RGL1: variants seen among roughly 807,000 people sequenced by gnomAD.
The protein encoded by RGL1 is ral guanine nucleotide dissociation stimulator-like 1.
A neutral mutation model predicts 95.2 loss-of-function variants in RGL1; 24 were observed. That is an observed-to-expected ratio of 0.25 (90% CI 0.18 to 0.35). The LOEUF (loss-of-function observed/expected upper bound fraction) is 0.35, where lower values mean the gene tolerates loss of function less well. RGL1 is among the 10% of genes least tolerant of loss of function. RGL1 has a pLI of 1.00. For synonymous variants in RGL1, 329 were observed against 344.9 expected, an observed-to-expected ratio of 0.95 and a Z score of 0.51; for missense variants, 715 against 936.3, an observed-to-expected ratio of 0.76 and a Z score of 3.08.
At chr1:183,754,370 T>A (rs1274804795) in intron 2 of RGL1, 1 of 152,250 alleles carries the variant, frequency 6.6e-6, no homozygotes, top group East Asian at 1.9e-4. Context: ...AGTCCTATGT[T>A]GGTTAGAGTA....
chr1:183,802,893 C>A (rs150095417), upstream of RGL1, among the ~76,000 whole-genome samples: 2 of 152,164 alleles, frequency 1.3e-5, no homozygotes, highest in Non-Finnish European at 2.9e-5. Flanking sequence ...TAAATAAACA[C>A]CAACTGAGTT....
chr1:183,742,688 G>A (rs12401632), intron 2 of RGL1, among the ~76,000 whole-genome samples: 18,288 of 151,928 alleles, frequency 0.12, 1,213 homozygotes, highest in Admixed American at 0.17. Flanking sequence ...ATAAAATGCT[G>A]ATATTTGTGT....
At chr1:183,842,695 T>A (rs897821435) in intron 2 of RGL1, among the ~76,000 whole-genome samples, 20 of 152,216 alleles carry the variant, frequency 1.3e-4, no homozygotes, top group African/African-American at 4.8e-4. Context: ...TTGAGCTGTT[T>A]CCTGTTAGCG....
intron 3 of RGL1, among the ~76,000 whole-genome samples, chr1:183,864,937 CT>C (rs941200158): frequency 6.6e-6 from 1 of 152,158 alleles, no homozygotes; most frequent in Non-Finnish European, 1.5e-5. Flanking sequence ...GGTACTGGGC[CT>C]TTAATCCCAT....
At chr1:183,740,574 C>T (rs1034111297) in intron 1 of RGL1, among the ~76,000 whole-genome samples, 5 of 152,170 alleles carry the variant, frequency 3.3e-5, no homozygotes, top group Non-Finnish European at 7.3e-5. Context: ...GTTTTGCAGA[C>T]GTGATTCCTT....
intron 1 of RGL1, chr1:183,647,530 G>A: frequency 7.9e-7 from 1 of 1,267,084 alleles, no homozygotes; most frequent in Non-Finnish European, 1.1e-6. Context: ...CTTTATAATA[G>A]TTGATATGGT....
chr1:183,822,841 A>G (rs536712537), intron 2 of RGL1, among the ~76,000 whole-genome samples: 9 of 152,106 alleles, frequency 5.9e-5, no homozygotes, highest in Admixed American at 4.6e-4. Flanking sequence ...TTCTGGGGTG[A>G]TTTCCTATGT....
At chr1:183,775,017 T>A (rs1659517943) in intron 2 of RGL1, among the ~76,000 whole-genome samples, 1 of 152,196 alleles carries the variant, frequency 6.6e-6, no homozygotes, top group Non-Finnish European at 1.5e-5. Flanking sequence ...TTACCCCTCC[T>A]GACTTTGTTT....
chr1:183,713,309 G>C (rs1655403684), intron 1 of RGL1, among the ~76,000 whole-genome samples: 1 of 148,628 alleles, frequency 6.7e-6, no homozygotes, highest in Admixed American at 6.8e-5. Flanking sequence ...ATGAGCCACT[G>C]CACCTGGCTG....
chr1:183,796,255 C>T (rs900175701), intron 2 of RGL1, among the ~76,000 whole-genome samples: 4 of 150,694 alleles, frequency 2.7e-5, no homozygotes, highest in Non-Finnish European at 4.4e-5. Flanking sequence ...ACCTCTGCCT[C>T]CTGGGTTCAA....
chr1:183,693,708 T>C (rs998565668), intron 1 of RGL1, among the ~76,000 whole-genome samples: 2 of 152,028 alleles, frequency 1.3e-5, no homozygotes, highest in African/African-American at 4.8e-5. Context: ...AAGTGAAGCC[T>C]CACTGCTTAC....
intron 1 of RGL1, among the ~76,000 whole-genome samples, chr1:183,685,067 T>A (rs1653486369): frequency 6.6e-6 from 1 of 152,258 alleles, no homozygotes; most frequent in Non-Finnish European, 1.5e-5. Context: ...TTTTTATATG[T>A]AGTTATATAT....
At position 183,912,156 on chromosome 1, in the gene RGL1, G is replaced by A. The variant is rs1668678599; in HGVS notation, c.1637G>A (p.Ser546Asn). 2 of 1,613,970 alleles carry A rather than the reference G, an allele frequency of 1.2e-6. No homozygotes were observed. The highest frequency in any genetic ancestry group is 2.7e-5 in the African/African-American group (2 of 74,890). ...KEQPKSTASG[S>N]SGESMDSVSV... Reference sequence around the variant, plus strand: ...CAGCCCAAGTCCACTGCCAGCGGGAGCTCTGGTGAAAGCATGGACTCTGTC... The same window carrying A: ...CAGCCCAAGTCCACTGCCAGCGGGAACTCTGGTGAAAGCATGGACTCTGTC... Residue 546 changes from serine to asparagine, a missense_variant, in exon 15 of 18, where the codon AGC becomes AAC. Transcript: ENST00000360851.
chr1:183,821,104 G>A (rs1346687103), intron 2 of RGL1, among the ~76,000 whole-genome samples: 1 of 152,088 alleles, frequency 6.6e-6, no homozygotes, highest in African/African-American at 2.4e-5. Flanking sequence ...CTGCAGTCCA[G>A]CCTGGGCGAC....
rs939591557 is a variant in RGL1, at chr1:183,640,534, G to A, written c.-33+4033G>A. Among the ~76,000 whole-genome samples, 8 of 152,034 alleles carry A rather than the reference G, an allele frequency of 5.3e-5. No homozygotes were observed. The Middle Eastern group carries it at 0.01, about 194-fold the overall frequency. On this transcript the variant is annotated intron_variant, in intron 1 of 18. Transcript: ENST00000304685. ...TCTTGCCTCAAGAAAAAGATTTAGT[G>A]CCAAAGAATAAGTCTTATTTTTAAA...
intron 1 of RGL1, among the ~76,000 whole-genome samples, chr1:183,639,432 A>G (rs1459787412): frequency 1.3e-5 from 2 of 152,204 alleles, no homozygotes; most frequent in African/African-American, 4.8e-5. Context: ...TCTGGTAAGG[A>G]TGCTTTAATA....
Position 183,888,539 on chromosome 1 carries a change from C to T in RGL1, c.1017C>T (p.Ser339=), listed in dbSNP as rs774902460. Residue 339 remains serine, a synonymous_variant, in exon 8 of 18, where the codon TCC becomes TCT. Coordinates refer to ENST00000360851, the MANE Select transcript of RGL1 (RefSeq NM_001297671.3). ...RAIVSALQSN[S]IYRLKKTWAA... ...TCGTTTCGGCACTGCAGTCTAATTC[C>T]ATCTATCGGTTAAAAAAGACTTGGG... is the stretch of plus-strand genomic sequence containing the variant. 6.2e-7 allele frequency: 1 copy of T among 1,613,262 alleles called. No homozygotes were observed.
At chr1:183,773,470 A>C (rs1659413809) in intron 2 of RGL1, among the ~76,000 whole-genome samples, 1 of 152,206 alleles carries the variant, frequency 6.6e-6, no homozygotes, top group African/African-American at 2.4e-5. Flanking sequence ...TGAGATGAGC[A>C]TGTGAGTGAC....
chr1:183,923,993 T>A (rs184251332), intron 17 of RGL1, among the ~76,000 whole-genome samples: 7 of 152,328 alleles, frequency 4.6e-5, no homozygotes, highest in East Asian at 3.9e-4. Context: ...TTACCTTTTT[T>A]AATTCTGTTT....
Sources: allele counts gnomAD v4.1 joint callset (sites outside exome capture counted in the v4.1 genomes callset), GRCh38; gene constraint gnomAD v4.1.1; transcripts MANE v1.5; gene names NCBI Gene and HGNC (gene_info 2026-07-23, HGNC 2026-07-21).